FRMD6: variants seen among roughly 807,000 people sequenced by gnomAD.
FRMD6 encodes the protein FERM domain containing 6, also known as FERM domain-containing protein 6.
FRMD6 carries 37 observed loss-of-function variants against 73.2 expected under a neutral mutation model. The observed-to-expected ratio is 0.51, with a 90% CI of 0.39 to 0.66. FRMD6 has a LOEUF of 0.66. Among genes scored for constraint, FRMD6 ranks in the 30% least tolerant of loss-of-function variants. The pLI is 0.00. For missense variants in FRMD6, 714 were observed against 780.5 expected (o/e 0.91, Z 1.02); for synonymous variants, 273 against 282.2 (o/e 0.97, Z 0.33).
rs1472936606 is a variant in FRMD6, at chr14:51,730,137, T to C, written c.*2108T>C. On this transcript the variant is annotated 3_prime_UTR_variant, in exon 14 of 14. Transcript: ENST00000344768. ...TGCAAACATTTAAAAAAAGACATAT[T>C]TAAGAAAGAAAGATAAAGAAAAAAC... 1 of 152,096 alleles carries C rather than the reference T, an allele frequency of 6.6e-6. No individual in the cohort carries two copies. Among genetic ancestry groups the C allele is most frequent in the Non-Finnish European group, 1.5e-5 (1 of 67,976 alleles). 9.4% of individuals were successfully genotyped at this position (152,096 alleles called of 1,614,324 possible). A position where few individuals can be genotyped will look rare whatever the true frequency, so the allele number is the denominator to read the frequency against.
intron 11 of FRMD6, 30 bp from the exon 12 acceptor site, chr14:51,721,919 A>T (rs778945573): frequency 1.2e-6 from 2 of 1,611,310 alleles, no homozygotes; most frequent in Non-Finnish European, 1.7e-6. Context: ...CCTTTTTGTC[A>T]TTAACTATCT....
At chr14:51,486,465 A>T (rs1341771014), upstream of FRMD6, among the ~76,000 whole-genome samples, 2 of 152,158 alleles carry the variant, frequency 1.3e-5, no homozygotes, top group Non-Finnish European at 2.9e-5. Flanking sequence ...TTTTATGTGC[A>T]TTCAATGCAT....
intron 1 of FRMD6, among the ~76,000 whole-genome samples, chr14:51,539,964 C>A (rs1477701413): frequency 1.3e-5 from 2 of 152,188 alleles, no homozygotes; most frequent in South Asian, 2.1e-4. Context: ...GAAAAATATT[C>A]TCTTGGAACA....
intron 1 of FRMD6, among the ~76,000 whole-genome samples, chr14:51,499,622 A>T (rs960511371): frequency 6.6e-5 from 10 of 152,226 alleles, no homozygotes; most frequent in Non-Finnish European, 1.5e-4. Flanking sequence ...CATGTTTCTA[A>T]TCACTGTCCC....
chr14:51,434,478 C>T, the FRMD6 span, among the ~76,000 whole-genome samples: 1 of 151,812 alleles, frequency 6.6e-6, no homozygotes, highest in Non-Finnish European at 1.5e-5. Context: ...TGAAGGGGTT[C>T]CTTTTGTAGT....
At chr14:51,655,046 TAAAA>T (rs111661238) in intron 1 of FRMD6, among the ~76,000 whole-genome samples, 2 of 131,846 alleles carry the variant, frequency 1.5e-5, no homozygotes, top group South Asian at 2.4e-4. Flanking sequence ...TCTTTTAAAG[TAAAA>T]AAAAAAAAAA....
chr14:51,419,732 T>C, the FRMD6 span, among the ~76,000 whole-genome samples: 4 of 152,186 alleles, frequency 2.6e-5, no homozygotes, highest in African/African-American at 4.8e-5. Flanking sequence ...TCTCCAAGCT[T>C]ATTTGATTTT....
rs1168905376 is a variant in FRMD6, at chr14:51,549,591, C to CTTTTTTTTTTTTTTT, written c.-209-20754_-209-20753insTTTTTTTTTTTTTTT. On this transcript the variant is annotated intron_variant, in intron 1 of 14. Transcript: ENST00000356218. ...CAGCTGGAGTATAAACTTTTTTTTT[C>CTTTTTTTTTTTTTTT]TTTCTTTTTTTTTTTTTTTTTTTTG... Among the ~76,000 whole-genome samples the CTTTTTTTTTTTTTTT allele has an allele frequency of 1.2e-4, 11 of 93,602 alleles. No homozygotes were observed. In the East Asian group the frequency reaches 1.2e-3, roughly 10 times the overall value. 61.4% of individuals were successfully genotyped at this position (93,602 alleles called of 152,430 possible). A position where few individuals can be genotyped will look rare whatever the true frequency, so the allele number is the denominator to read the frequency against.
At chr14:51,475,801 G>A in the FRMD6 span, among the ~76,000 whole-genome samples, 8 of 152,122 alleles carry the variant, frequency 5.3e-5, no homozygotes, top group South Asian at 2.1e-4. Context: ...CATGAAAAGC[G>A]TGAAAAAGGG....
intron 2 of FRMD6, among the ~76,000 whole-genome samples, chr14:51,594,146 A>G (rs1384920554): frequency 6.6e-6 from 1 of 152,090 alleles, no homozygotes; most frequent in Non-Finnish European, 1.5e-5. Context: ...TGTTTTTGAG[A>G]TGAAGTCTTG....
rs758677611 is a variant in FRMD6 at position 51,691,588 on chromosome 14, A to ATTTTTTT, written c.99+1671_99+1677dup. ...TTTTTATTTATTTATTTTGATTTTG[A>ATTTTTTT]TTTTTTTTTTTTTTTTTTTTTTTTG... On this transcript the variant is annotated intron_variant, in intron 2 of 13. Transcript: ENST00000344768. 1.3e-3 allele frequency among the ~76,000 whole-genome samples: 94 copies of ATTTTTTT among 75,136 alleles called. 1 individual carries two copies. Among genetic ancestry groups the ATTTTTTT allele is most frequent in the Non-Finnish European group, 1.8e-3 (63 of 35,788 alleles). 49.3% of individuals were successfully genotyped at this position (75,136 alleles called of 152,430 possible). A position where few individuals can be genotyped will look rare whatever the true frequency, so the allele number is the denominator to read the frequency against.
the FRMD6 span, among the ~76,000 whole-genome samples, chr14:51,419,088 GCTT>G: frequency 3.9e-5 from 6 of 152,128 alleles, no homozygotes; most frequent in Non-Finnish European, 5.9e-5. Flanking sequence ...ATCTCTCATG[GCTT>G]CCCTTGGCTA....
intron 11 of FRMD6, 53 bp from the exon 12 acceptor site, chr14:51,721,896 T>G: frequency 6.2e-7 from 1 of 1,602,674 alleles, no homozygotes; most frequent in Non-Finnish European, 8.5e-7. Flanking sequence ...TTGCATATTA[T>G]GATGGTCATT....
chr14:51,450,593 G>C, the FRMD6 span, among the ~76,000 whole-genome samples: 2 of 152,178 alleles, frequency 1.3e-5, no homozygotes, highest in Non-Finnish European at 2.9e-5. Context: ...CATGAGGTCA[G>C]CTACCACACA....
chr14:51,562,049 T>A (rs1385590052), intron 1 of FRMD6, among the ~76,000 whole-genome samples: 2 of 152,206 alleles, frequency 1.3e-5, no homozygotes, highest in Non-Finnish European at 2.9e-5. Flanking sequence ...GTGGCTTTTT[T>A]ATCTGCCTTT....
intron 2 of FRMD6, among the ~76,000 whole-genome samples, chr14:51,646,117 C>T (rs186532563): frequency 6.6e-6 from 1 of 151,768 alleles, no homozygotes; most frequent in Non-Finnish European, 1.5e-5. Flanking sequence ...AGGAGATCGA[C>T]ACAATCCTGG....
chr14:51,669,950 A>T (rs1047993223), intron 1 of FRMD6, among the ~76,000 whole-genome samples: 2 of 152,108 alleles, frequency 1.3e-5, no homozygotes, highest in East Asian at 3.9e-4. Context: ...TTAGCTTTTC[A>T]ATTTGGGCCT....
intron 2 of FRMD6, among the ~76,000 whole-genome samples, chr14:51,583,225 ATTT>A (rs1888836205): frequency 3.9e-5 from 6 of 152,160 alleles, no homozygotes; most frequent in Non-Finnish European, 8.8e-5. Flanking sequence ...AATTCTCTTT[ATTT>A]GCCGAACTAA....
chr14:51,473,784 TGTA>T, the FRMD6 span, among the ~76,000 whole-genome samples: 1 of 152,070 alleles, frequency 6.6e-6, no homozygotes, highest in South Asian at 2.1e-4. Context: ...ACTAAGGACT[TGTA>T]GTCCTGGTCT....
Sources: allele counts gnomAD v4.1 joint callset (sites outside exome capture counted in the v4.1 genomes callset), GRCh38; gene constraint gnomAD v4.1.1; transcripts MANE v1.5; gene names NCBI Gene and HGNC (gene_info 2026-07-23, HGNC 2026-07-21).